MACROD2: variants seen among roughly 807,000 people sequenced by gnomAD.
The protein encoded by MACROD2 is ADP-ribose glycohydrolase MACROD2.
MACROD2 carries 36 observed loss-of-function variants against 70.4 expected under a neutral mutation model. The ratio of observed to expected loss-of-function variants is 0.51; its 90% CI spans 0.39 to 0.68. MACROD2 has a LOEUF of 0.68. Ranked by LOEUF, MACROD2 falls within the 30% of genes least tolerant of loss-of-function variation. The pLI, the probability that MACROD2 is intolerant of heterozygous loss-of-function variation, is 0.00. For missense variants in MACROD2, 496 were observed against 538.4 expected, an observed-to-expected ratio of 0.92 and a Z score of 0.78; for synonymous variants, 172 against 178.8, an observed-to-expected ratio of 0.96 and a Z score of 0.30.
intron 8 of MACROD2, among the ~76,000 whole-genome samples, chr20:15,832,279 C>T (rs965580450): frequency 6.6e-6 from 1 of 152,122 alleles, no homozygotes; most frequent in East Asian, 1.9e-4. Context: ...GGGGTGGCCA[C>T]ATTCCAGGGT....
intron 3 of MACROD2, among the ~76,000 whole-genome samples, chr20:14,224,128 A>AC (rs869261881): frequency 3.1e-3 from 1 of 326 alleles, no homozygotes; most frequent in African/African-American, 6.0e-3. Context: ...AATCACATCT[A>AC]AAAAACACTT....
At chr20:15,673,430 C>G (rs2050009764) in intron 8 of MACROD2, among the ~76,000 whole-genome samples, 1 of 152,166 alleles carries the variant, frequency 6.6e-6, no homozygotes, top group African/African-American at 2.4e-5. Flanking sequence ...TCCAGAGTCT[C>G]AAATCTAAAA....
At chr20:15,205,509 G>A (rs374532478) in intron 5 of MACROD2, among the ~76,000 whole-genome samples, 1 of 152,054 alleles carries the variant, frequency 6.6e-6, no homozygotes, top group African/African-American at 2.4e-5. Context: ...AACCGGTGAG[G>A]CTTATCACCT....
intron 7 of MACROD2, among the ~76,000 whole-genome samples, chr20:15,480,298 G>A (rs888607988): frequency 5.3e-5 from 8 of 152,068 alleles, no homozygotes; most frequent in African/African-American, 1.2e-4. Flanking sequence ...GGTGCCCGCC[G>A]CTTCTTAACT....
intron 6 of MACROD2, among the ~76,000 whole-genome samples, chr20:15,348,971 G>A (rs1389178870): frequency 6.6e-6 from 1 of 152,032 alleles, no homozygotes; most frequent in African/African-American, 2.4e-5. Flanking sequence ...TTAAAATACA[G>A]AGAAAAAAAC....
intron 5 of MACROD2, among the ~76,000 whole-genome samples, chr20:15,132,121 G>A (rs1258354654): frequency 1.8e-4 from 28 of 152,092 alleles, no homozygotes; most frequent in Non-Finnish European, 4.4e-5. Flanking sequence ...GGCTAAGTGA[G>A]ATGAAAAAAC....
intron 5 of MACROD2, among the ~76,000 whole-genome samples, chr20:15,043,922 A>G (rs1206640249): frequency 2.0e-5 from 3 of 152,226 alleles, no homozygotes; most frequent in Non-Finnish European, 4.4e-5. Context: ...GGGCAGAAAG[A>G]GGCATGAAGC....
intron 8 of MACROD2, chr20:15,619,442 A>G (rs75998430): frequency 0.032 from 8,010 of 252,792 alleles, 245 homozygotes; most frequent in African/African-American, 0.086. Flanking sequence ...GACCCAGAGG[A>G]TCAGCATCTC....
At chr20:14,044,434 C>T (rs1245893102) in intron 2 of MACROD2, among the ~76,000 whole-genome samples, 1 of 152,192 alleles carries the variant, frequency 6.6e-6, no homozygotes, top group Non-Finnish European at 1.5e-5. Flanking sequence ...CGGGTTGCCA[C>T]TGCTGGCGTG....
intron 8 of MACROD2, among the ~76,000 whole-genome samples, chr20:15,669,905 G>A (rs1258003561): frequency 1.3e-5 from 2 of 152,162 alleles, no homozygotes; most frequent in East Asian, 3.9e-4. Flanking sequence ...CACGTATTGA[G>A]CACCTACTAT....
chr20:14,776,637 T>G (rs1600652726), intron 5 of MACROD2, among the ~76,000 whole-genome samples: 1 of 152,234 alleles, frequency 6.6e-6, no homozygotes, highest in South Asian at 2.1e-4. Context: ...TATTGTTCCT[T>G]GCTTTTTCCA....
intron 8 of MACROD2, among the ~76,000 whole-genome samples, chr20:15,817,880 C>T (rs970689714): frequency 6.6e-6 from 1 of 152,178 alleles, no homozygotes; most frequent in African/African-American, 2.4e-5. Context: ...CCTGCCCTTC[C>T]TTCAGCCTTA....
intron 5 of MACROD2, among the ~76,000 whole-genome samples, chr20:15,017,774 G>A (rs1020864562): frequency 6.6e-6 from 1 of 152,188 alleles, no homozygotes; most frequent in African/African-American, 2.4e-5. Flanking sequence ...AAAGCTTGGG[G>A]CTTCCACCCT....
intron 3 of MACROD2, among the ~76,000 whole-genome samples, chr20:14,283,763 G>A (rs2082324448): frequency 6.6e-6 from 1 of 152,072 alleles, no homozygotes; most frequent in African/African-American, 2.4e-5. Flanking sequence ...GCATACCAAA[G>A]TGCTGGGATT....
intron 5 of MACROD2, among the ~76,000 whole-genome samples, chr20:15,068,829 T>G (rs1050668849): frequency 6.6e-6 from 1 of 152,120 alleles, no homozygotes; most frequent in African/African-American, 2.4e-5. Context: ...TACTGAGAAG[T>G]GGGGCATTGC....
intron 5 of MACROD2, among the ~76,000 whole-genome samples, chr20:15,188,051 G>A (rs6079697): frequency 0.14 from 21,756 of 152,082 alleles, 2,368 homozygotes; most frequent in African/African-American, 0.31. Flanking sequence ...ATAAAATTCG[G>A]CACATCAATC....
chr20:15,254,635 G>C (rs1427393159), intron 6 of MACROD2, among the ~76,000 whole-genome samples: 1 of 152,072 alleles, frequency 6.6e-6, no homozygotes, highest in East Asian at 1.9e-4. Flanking sequence ...TAGTACCTGA[G>C]TATACCTGAG....
At chr20:14,892,187 T>C (rs1161260300) in intron 5 of MACROD2, among the ~76,000 whole-genome samples, 9 of 152,152 alleles carry the variant, frequency 5.9e-5, no homozygotes, top group Non-Finnish European at 1.2e-4. Context: ...AATTTCTAAA[T>C]GTGGGCTGGC....
rs548553613 is a variant in MACROD2 at position 15,776,658 on chromosome 20, C to G, written c.646-86087C>G. Among the ~76,000 whole-genome samples the G allele has an allele frequency of 7.9e-5, 12 of 152,272 alleles. No individual in the cohort carries two copies. The East Asian group carries it at 2.3e-3, about 29-fold the overall frequency. Reference sequence around the variant, plus strand: ...GTACACACACCTGCAAGAGTGGTCTCTTTGTAAACTACATGACAACGAGAA... The same window carrying G: ...GTACACACACCTGCAAGAGTGGTCTGTTTGTAAACTACATGACAACGAGAA... On this transcript the variant is annotated intron_variant, in intron 8 of 17. Coordinates refer to ENST00000684519, the MANE Select transcript of MACROD2 (RefSeq NM_001351661.2).
Sources: gnomAD v4.1 joint callset for allele counts (sites outside exome capture counted in the v4.1 genomes callset) on GRCh38, gnomAD v4.1.1 for gene constraint, MANE v1.5 for transcripts, NCBI Gene and HGNC (gene_info 2026-07-23, HGNC 2026-07-21) for gene names.